FAF1: variants seen among roughly 807,000 people sequenced by gnomAD.
The protein encoded by FAF1 is Fas associated factor 1.
FAF1 carries 25 observed loss-of-function variants against 92.5 expected under a neutral mutation model. The ratio of observed to expected loss-of-function variants is 0.27; its 90% CI spans 0.20 to 0.38. FAF1 has a LOEUF of 0.38. FAF1 is among the 10% of genes least tolerant of loss of function. The pLI is 1.00. For synonymous variants in FAF1, 234 were observed against 273.2 expected, an observed-to-expected ratio of 0.86 and a Z score of 1.42; for missense variants, 636 against 793.3, an observed-to-expected ratio of 0.80 and a Z score of 2.38.
intron 2 of FAF1, chr1:50,846,717 A>C: frequency 1.6e-6 from 1 of 628,508 alleles, no homozygotes; most frequent in South Asian, 1.4e-5. Context: ...CACTTCTCCA[A>C]ACGTAGATGT....
At chr1:50,521,954 T>C (rs964017198) in intron 15 of FAF1, among the ~76,000 whole-genome samples, 3 of 152,230 alleles carry the variant, frequency 2.0e-5, no homozygotes, top group South Asian at 2.1e-4. Flanking sequence ...GTTTCATATA[T>C]GACAATTATT....
intron 4 of FAF1, among the ~76,000 whole-genome samples, chr1:50,748,018 C>A (rs183287697): frequency 2.0e-4 from 31 of 152,310 alleles, no homozygotes; most frequent in Admixed American, 1.6e-3. Context: ...ACCAATTAAA[C>A]CTTTTTTCTT....
chr1:50,890,618 T>G (rs946315685), intron 1 of FAF1, among the ~76,000 whole-genome samples: 1 of 152,218 alleles, frequency 6.6e-6, no homozygotes, highest in Non-Finnish European at 1.5e-5. Context: ...CCTTCACTTA[T>G]GAAGCTTAGT....
At chr1:50,908,326 T>G (rs551428897) in intron 1 of FAF1, among the ~76,000 whole-genome samples, 14 of 152,360 alleles carry the variant, frequency 9.2e-5, no homozygotes, top group African/African-American at 3.1e-4. Context: ...TGTGATGTGG[T>G]GCTGAGAAGA....
At chr1:50,485,656 C>A (rs567293229) in intron 17 of FAF1, among the ~76,000 whole-genome samples, 9 of 105,924 alleles carry the variant, frequency 8.5e-5, no homozygotes, top group African/African-American at 3.6e-4. Flanking sequence ...GGCAACAGAG[C>A]GAGACTGTCT....
chr1:50,747,494 T>C (rs548641970), intron 4 of FAF1, among the ~76,000 whole-genome samples: 1 of 152,362 alleles, frequency 6.6e-6, no homozygotes, highest in African/African-American at 2.4e-5. Flanking sequence ...ACTCAATGCC[T>C]ATACCCCCAT....
chr1:50,817,294 A>G (rs182787876), intron 2 of FAF1, among the ~76,000 whole-genome samples: 14 of 152,372 alleles, frequency 9.2e-5, no homozygotes, highest in African/African-American at 3.4e-4. Flanking sequence ...ATACAATGGA[A>G]TATTATTCAG....
chr1:50,929,814 A>G (rs545295259), intron 1 of FAF1, among the ~76,000 whole-genome samples: 30 of 152,340 alleles, frequency 2.0e-4, no homozygotes, highest in African/African-American at 7.0e-4. Flanking sequence ...AGGAACACAA[A>G]CCATACTTAG....
chr1:50,505,508 C>T (rs939009081), intron 15 of FAF1, among the ~76,000 whole-genome samples: 2 of 152,154 alleles, frequency 1.3e-5, no homozygotes, highest in African/African-American at 4.8e-5. Context: ...GTGGATACTT[C>T]TCTGGTCAGG....
At chr1:50,812,130 G>A (rs1643921831) in intron 2 of FAF1, among the ~76,000 whole-genome samples, 1 of 152,052 alleles carries the variant, frequency 6.6e-6, no homozygotes, top group Admixed American at 6.6e-5. Context: ...ATACCATTCT[G>A]GACCTAAGTC....
chr1:50,656,887 G>A (rs1305765437), intron 7 of FAF1, among the ~76,000 whole-genome samples: 1 of 151,844 alleles, frequency 6.6e-6, no homozygotes, highest in Non-Finnish European at 1.5e-5. Context: ...TGTCTCAAAA[G>A]AAAATAATAA....
chr1:50,641,916 G>A (rs1290167696), intron 8 of FAF1, among the ~76,000 whole-genome samples: 3 of 151,866 alleles, frequency 2.0e-5, no homozygotes, highest in Non-Finnish European at 4.4e-5. Flanking sequence ...AATATTCCTT[G>A]TTCTGGCCAG....
chr1:50,470,872 T>C (rs1646563215), intron 18 of FAF1: 1 of 152,234 alleles, frequency 6.6e-6, no homozygotes, highest in South Asian at 2.1e-4. Context: ...ACTGAACATC[T>C]CTCTGAGCAA....
In FAF1 at chr1:50,547,534, C is replaced by T. The variant is rs1303524497; in HGVS notation, c.1269-7806G>A. On this transcript the variant is annotated intron_variant, in intron 13 of 18. Transcript: ENST00000396153. ...GGTTTAAGTGATTCTCCTGCCTCAG[C>T]CTCCTGAGTAGCTGGGATTACAGGC... Among the ~76,000 whole-genome samples the T allele has an allele frequency of 2.0e-5, 3 of 152,044 alleles. No individual in the cohort carries two copies. In the East Asian group the frequency reaches 5.8e-4, roughly 29 times the overall value.
chr1:50,481,699 TAGA>T (rs1320006725), intron 17 of FAF1, among the ~76,000 whole-genome samples: 4 of 151,954 alleles, frequency 2.6e-5, no homozygotes, highest in African/African-American at 4.8e-5. Context: ...GGAATGCTGG[TAGA>T]AGGTGGGGGG....
intron 1 of FAF1, among the ~76,000 whole-genome samples, chr1:50,899,338 GTCTC>G (rs948438394): frequency 3.3e-5 from 5 of 151,870 alleles, no homozygotes; most frequent in East Asian, 1.9e-4. Flanking sequence ...TCATTTCTAG[GTCTC>G]TCTCTACTGA....
chr1:50,852,783 C>T (rs1644361453), intron 2 of FAF1, among the ~76,000 whole-genome samples: 1 of 152,018 alleles, frequency 6.6e-6, no homozygotes, highest in South Asian at 2.1e-4. Context: ...TTGGGGACTG[C>T]TGTGAGGATT....
chr1:50,744,886 T>C, intron 4 of FAF1, 111 bp from the exon 5 acceptor site: 1 of 536,420 alleles, frequency 1.9e-6, no homozygotes, highest in Non-Finnish European at 3.2e-6. Context: ...TCAATGACAT[T>C]TGTCTGATGA....
chr1:50,835,355 T>C (rs1420165344), intron 2 of FAF1, among the ~76,000 whole-genome samples: 1 of 152,034 alleles, frequency 6.6e-6, no homozygotes, highest in African/African-American at 2.4e-5. Context: ...TTAAGAGAAA[T>C]TTGCTTATGT....
Sources: allele counts gnomAD v4.1 joint callset (sites outside exome capture counted in the v4.1 genomes callset), GRCh38; gene constraint gnomAD v4.1.1; transcripts MANE v1.5; gene names NCBI Gene and HGNC (gene_info 2026-07-23, HGNC 2026-07-21).